DLGAP1: variants seen among roughly 807,000 people sequenced by gnomAD.
DLGAP1 encodes DLG associated protein 1.
A neutral mutation model predicts 90.8 loss-of-function variants in DLGAP1; 11 were observed. The ratio of observed to expected loss-of-function variants is 0.12; its 90% CI spans 0.08 to 0.20. The LOEUF is 0.20. Among genes scored for constraint, DLGAP1 ranks in the 10% least tolerant of loss-of-function variants. The pLI is 1.00. For missense variants in DLGAP1, 1,050 were observed against 1,333.8 expected (o/e 0.79, Z 3.31); for synonymous variants, 558 against 540.7 (o/e 1.03, Z -0.44).
At chr18:4,414,668 G>A (rs1404039314) in intron 1 of DLGAP1, among the ~76,000 whole-genome samples, 1 of 151,396 alleles carries the variant, frequency 6.6e-6, no homozygotes, top group Non-Finnish European at 1.5e-5. Context: ...AGAGGCTGCA[G>A]TGAGCCGAGA....
chr18:3,603,825 A>G (rs1287142126), intron 7 of DLGAP1: 9 of 154,412 alleles, frequency 5.8e-5, no homozygotes, highest in African/African-American at 2.2e-4. Context: ...AGACCCTTTC[A>G]ATAAATCCAG....
chr18:3,591,880 T>C (rs967113311), intron 7 of DLGAP1, among the ~76,000 whole-genome samples: 1 of 151,790 alleles, frequency 6.6e-6, no homozygotes, highest in Non-Finnish European at 1.5e-5. Flanking sequence ...TCTCCAGGCA[T>C]TGATTGTCCG....
chr18:4,082,894 A>C (rs1364337335), intron 2 of DLGAP1, among the ~76,000 whole-genome samples: 1 of 151,844 alleles, frequency 6.6e-6, no homozygotes, highest in Non-Finnish European at 1.5e-5. Context: ...ATGCACATGG[A>C]CCCCAAGCTT....
At chr18:3,867,755 G>T (rs988913294) in intron 4 of DLGAP1, among the ~76,000 whole-genome samples, 2 of 152,094 alleles carry the variant, frequency 1.3e-5, no homozygotes, top group African/African-American at 4.8e-5. Context: ...TTTACAAATA[G>T]AATCTAATAA....
intron 3 of DLGAP1, among the ~76,000 whole-genome samples, chr18:3,890,633 C>A (rs999758210): frequency 6.6e-6 from 1 of 152,188 alleles, no homozygotes; most frequent in Non-Finnish European, 1.5e-5. Flanking sequence ...ACAAACAAAT[C>A]CACATCCAGT....
intron 5 of DLGAP1, among the ~76,000 whole-genome samples, chr18:3,809,062 A>G (rs1015635692): frequency 1.3e-5 from 2 of 152,184 alleles, no homozygotes; most frequent in African/African-American, 4.8e-5. Context: ...CCTGGGAGAC[A>G]TTTCCTGTAG....
chr18:3,856,587 C>A (rs1031089472), intron 4 of DLGAP1, among the ~76,000 whole-genome samples: 1 of 152,060 alleles, frequency 6.6e-6, no homozygotes, highest in African/African-American at 2.4e-5. Context: ...ACAGGCCAGA[C>A]GCGGTGGCTC....
chr18:3,521,142 C>T (rs1273719394), intron 10 of DLGAP1, among the ~76,000 whole-genome samples: 1 of 152,192 alleles, frequency 6.6e-6, no homozygotes, highest in Non-Finnish European at 1.5e-5. Flanking sequence ...TGTGTAACCA[C>T]TAGCTCAACA....
intron 3 of DLGAP1, among the ~76,000 whole-genome samples, chr18:3,943,953 T>C (rs189510904): frequency 4.6e-5 from 7 of 152,260 alleles, no homozygotes; most frequent in Admixed American, 4.6e-4. Context: ...TCAGAACAAC[T>C]CAACCCTGTG....
intron 3 of DLGAP1, among the ~76,000 whole-genome samples, chr18:3,984,906 C>A (rs2073811822): frequency 6.6e-6 from 1 of 152,158 alleles, no homozygotes; most frequent in Non-Finnish European, 1.5e-5. Flanking sequence ...TTGTCCCCTG[C>A]CTGTGTCCTC....
chr18:3,957,361 A>G (rs80202200), intron 3 of DLGAP1, among the ~76,000 whole-genome samples: 2,605 of 152,308 alleles, frequency 0.017, 27 homozygotes, highest in Non-Finnish European at 0.028. Flanking sequence ...ACCTTAACTG[A>G]CAGCCCAGTG....
intron 7 of DLGAP1, among the ~76,000 whole-genome samples, chr18:3,622,891 G>A (rs866586302): frequency 1.1e-4 from 16 of 151,800 alleles, no homozygotes; most frequent in South Asian, 2.1e-4. Context: ...TGCAACCTCC[G>A]CCTCCCAGGT....
At chr18:4,323,445 G>A (rs1278371504) in intron 1 of DLGAP1, among the ~76,000 whole-genome samples, 1 of 152,172 alleles carries the variant, frequency 6.6e-6, no homozygotes, top group East Asian at 1.9e-4. Flanking sequence ...ATATATAAAG[G>A]AATTGAAATC....
intron 1 of DLGAP1, among the ~76,000 whole-genome samples, chr18:4,372,416 A>G (rs997517501): frequency 1.3e-5 from 2 of 152,178 alleles, no homozygotes; most frequent in African/African-American, 4.8e-5. Context: ...GATGGTGAAT[A>G]CTCAATAAAT....
At position 3,766,665 on chromosome 18, in the gene DLGAP1, G is replaced by A. The variant is rs924946222; in HGVS notation, c.1173-24153C>T. ...GACATCAAATGAAAAATCAGTAACAGAAAGATAACAAGATCACCTTTAAAC... is the reference window on the plus strand; with the variant it reads ...GACATCAAATGAAAAATCAGTAACAAAAAGATAACAAGATCACCTTTAAAC... On this transcript the variant is annotated intron_variant, in intron 5 of 12. Coordinates refer to ENST00000315677, the MANE Select transcript of DLGAP1 (RefSeq NM_004746.4). Among the ~76,000 whole-genome samples the A allele has an allele frequency of 2.0e-5, 3 of 152,082 alleles. No individual in the cohort carries two copies. In the East Asian group the frequency reaches 5.8e-4, roughly 29 times the overall value.
chr18:4,222,807 A>T (rs2078105544), intron 1 of DLGAP1, among the ~76,000 whole-genome samples: 1 of 152,082 alleles, frequency 6.6e-6, no homozygotes, highest in South Asian at 2.1e-4. Context: ...AAAGTGGCAA[A>T]AATGTGGGTA....
In DLGAP1 at chr18:3,635,232, G is replaced by A. The variant is rs558419202; in HGVS notation, c.1592-52984C>T. Among the ~76,000 whole-genome samples the A allele has an allele frequency of 2.3e-4, 35 of 151,410 alleles. 1 individual carries two copies. The highest frequency in any genetic ancestry group is 3.4e-3 in the Middle Eastern group (1 of 292). On this transcript the variant is annotated intron_variant, in intron 7 of 12. Transcript: ENST00000315677. ...TGCAAGCTCCGCCTCCCGGGTTCAC[G>A]CCATTCTCCTGCCTCAGCCTCCCGA...
intron 7 of DLGAP1, among the ~76,000 whole-genome samples, chr18:3,690,671 C>CT (rs1220908624): frequency 6.6e-6 from 1 of 152,148 alleles, no homozygotes; most frequent in East Asian, 1.9e-4. Flanking sequence ...AGTGATTAGT[C>CT]TTTTCGCTTC....
intron 1 of DLGAP1, among the ~76,000 whole-genome samples, chr18:4,195,271 T>C (rs2077475331): frequency 6.6e-6 from 1 of 152,120 alleles, no homozygotes; most frequent in Non-Finnish European, 1.5e-5. Flanking sequence ...TATGAGACTT[T>C]GAACTTTTTT....
Sources: gnomAD v4.1 joint callset for allele counts (sites outside exome capture counted in the v4.1 genomes callset) on GRCh38, gnomAD v4.1.1 for gene constraint, MANE v1.5 for transcripts, NCBI Gene and HGNC (gene_info 2026-07-23, HGNC 2026-07-21) for gene names.